The following NRK variants were observed in gnomAD, a reference collection of about 807,000 sequenced individuals.
NRK encodes the protein Nik related kinase.
A neutral mutation model predicts 125.2 loss-of-function variants in NRK; 67 were observed. The observed-to-expected ratio is 0.54, with a 90% CI of 0.44 to 0.66. The LOEUF is 0.66. Among genes scored for constraint, NRK ranks in the 30% least tolerant of loss-of-function variants. The pLI is 0.00. For missense variants in NRK, 1,224 were observed against 1,192.9 expected, an observed-to-expected ratio of 1.03 and a Z score of -0.38; for synonymous variants, 458 against 429.0, an observed-to-expected ratio of 1.07 and a Z score of -0.84.
At chrX:105,856,436 C>A (rs1490224762) in intron 2 of NRK, among the ~76,000 whole-genome samples, 5 of 112,060 alleles carry the variant, frequency 4.5e-5, no homozygotes, top group Non-Finnish European at 9.4e-5. Context: ...AATGTTATAG[C>A]ATCATATTGT....
chrX:105,893,642 C>A (rs1331424093), intron 5 of NRK, among the ~76,000 whole-genome samples, 190 bp from the exon 6 acceptor site: 1 of 112,091 alleles, frequency 8.9e-6, no homozygotes, highest in African/African-American at 3.2e-5. Context: ...CTCCACAAAT[C>A]TTTGGTTTTA....
chrX:105,831,372 AAATTG>A (rs2039189818), intron 2 of NRK, among the ~76,000 whole-genome samples: 1 of 112,351 alleles, frequency 8.9e-6, no homozygotes, highest in African/African-American at 3.2e-5. Context: ...CACCAATGGA[AAATTG>A]AAGTAATTCA....
intron 27 of NRK, among the ~76,000 whole-genome samples, chrX:105,951,083 A>G (rs2040891621): frequency 9.1e-6 from 1 of 110,312 alleles, no homozygotes. Context: ...CAAACAAGTA[A>G]GAACTCACAG....
At position 105,880,264 on chromosome X, in the gene NRK, A is replaced by T; in HGVS notation, c.180+9A>T. ...TGATGAACGCTCGTAAGGTAATATTATAAATTGCCTGTATTCTCTTCCCTT... is the reference window on the plus strand; with the variant it reads ...TGATGAACGCTCGTAAGGTAATATTTTAAATTGCCTGTATTCTCTTCCCTT... On this transcript the variant is annotated intron_variant, in intron 3 of 28. Coordinates refer to ENST00000243300, the MANE Select transcript of NRK (RefSeq NM_198465.4). 1.1e-6 allele frequency: 1 copy of T among 950,420 alleles called. No individual in the cohort carries two copies. The highest frequency in any genetic ancestry group is 1.4e-6 in the Non-Finnish European group (1 of 701,513). 78.3% of individuals were successfully genotyped at this position (950,420 alleles called of 1,213,427 possible). A position where few individuals can be genotyped will look rare whatever the true frequency, so the allele number is the denominator to read the frequency against.
chrX:105,909,094 G>A lies in NRK; in HGVS notation c.1453G>A (p.Val485Ile). 1 of 1,211,489 alleles carries A rather than the reference G, an allele frequency of 8.3e-7. No individual in the cohort carries two copies. The highest frequency in any genetic ancestry group is 1.1e-6 in the Non-Finnish European group (1 of 895,132). Residue 485 changes from valine (V) to isoleucine (I), a missense_variant, in exon 13 of 29, where the codon GTT (valine) becomes ATT (isoleucine). Coordinates refer to ENST00000243300, the MANE Select transcript of NRK (RefSeq NM_198465.4). Reference sequence around the variant, plus strand: ...GGTGCTCATGCCACTACAGGCACAGGTTAGGGCACCTAGGCTTCTGCAGGT... The same window carrying A: ...GGTGCTCATGCCACTACAGGCACAGATTAGGGCACCTAGGCTTCTGCAGGT... ...ARVLMPLQAQ[V>I]RAPRLLQVQS... is the part of the protein sequence containing the mutation.
At chrX:105,838,852 T>A (rs1213246524) in intron 2 of NRK, among the ~76,000 whole-genome samples, 1 of 110,851 alleles carries the variant, frequency 9.0e-6, no homozygotes, top group Non-Finnish European at 1.9e-5. Flanking sequence ...AGCAAATTCC[T>A]GAATTGTTTG....
chrX:105,925,459 C>CACAA (rs1220275000), intron 19 of NRK, among the ~76,000 whole-genome samples: 2 of 110,937 alleles, frequency 1.8e-5, no homozygotes, highest in Non-Finnish European at 3.8e-5. Flanking sequence ...TGGGAACAAT[C>CACAA]AATATCCTCT....
intron 19 of NRK, among the ~76,000 whole-genome samples, chrX:105,932,373 A>T (rs1490106555): frequency 8.9e-6 from 1 of 111,870 alleles, no homozygotes; most frequent in African/African-American, 3.3e-5. Flanking sequence ...ATATCATGTA[A>T]TCAGGCTATG....
chrX:105,954,618 C>T (rs1472527155), intron 28 of NRK, among the ~76,000 whole-genome samples: 1 of 110,519 alleles, frequency 9.0e-6, no homozygotes, highest in Non-Finnish European at 1.9e-5. Flanking sequence ...TTAGAGACTC[C>T]CTGCTTCCCT....
intron 2 of NRK, among the ~76,000 whole-genome samples, chrX:105,852,290 T>G (rs753924159): frequency 2.7e-5 from 3 of 111,806 alleles, no homozygotes; most frequent in Non-Finnish European, 5.6e-5. Context: ...AATAGTCATG[T>G]AGATTTGGCT....
At chrX:105,823,037 C>G (rs1433548025) in intron 1 of NRK, 135 bp downstream of exon 1, 1 of 608,442 alleles carries the variant, frequency 1.6e-6, no homozygotes, top group Non-Finnish European at 2.5e-6. Flanking sequence ...GAAGGGGATC[C>G]TGGGAGCCGG....
At chrX:105,847,927 A>T (rs1395873624) in intron 2 of NRK, among the ~76,000 whole-genome samples, 2 of 112,066 alleles carry the variant, frequency 1.8e-5, no homozygotes, top group Non-Finnish European at 3.8e-5. Flanking sequence ...ACTAATGGGG[A>T]CAATAAAACA....
intron 2 of NRK, among the ~76,000 whole-genome samples, chrX:105,833,228 T>TA (rs1004007629): frequency 1.8e-5 from 2 of 110,837 alleles, no homozygotes; most frequent in African/African-American, 6.6e-5. Context: ...CAATAAGCTA[T>TA]AGAGGGTGAT....
upstream of NRK, chrX:105,822,421 C>T: frequency 5.9e-6 from 1 of 168,147 alleles, no homozygotes; most frequent in Admixed American, 7.4e-5. Flanking sequence ...GCCTCCCCGC[C>T]GGGCGGCTGC....
intron 20 of NRK, 104 bp from the exon 21 acceptor site, chrX:105,935,066 A>G (rs1291832055): frequency 2.0e-5 from 12 of 609,984 alleles, no homozygotes; most frequent in Non-Finnish European, 3.1e-5. Context: ...AAATTTTTCT[A>G]TAACTCCATC....
intron 1 of NRK, among the ~76,000 whole-genome samples, chrX:105,826,202 C>CAT (rs1280857395): frequency 1.2e-5 from 1 of 81,462 alleles, no homozygotes; most frequent in African/African-American, 4.7e-5. Flanking sequence ...AATATATTAT[C>CAT]ATATATATAA....
intron 1 of NRK, among the ~76,000 whole-genome samples, chrX:105,823,421 A>AT (rs2039050203): frequency 9.0e-6 from 1 of 111,342 alleles, no homozygotes; most frequent in Non-Finnish European, 1.9e-5. Context: ...CACTTTTCTT[A>AT]TTTTCTAATA....
rs1034830068 is a variant in NRK, at chrX:105,946,535, T to G, written c.4353+71T>G. ...TTTGAGTTTTTCCAACTGTCAAAAC[T>G]CTGAAAGGTTTAAAAATATGATTAG... On this transcript the variant is annotated intron_variant, in intron 26 of 28. Transcript: ENST00000243300. 4 of 772,219 alleles carry G rather than the reference T, an allele frequency of 5.2e-6. No individual in the cohort carries two copies. The African/African-American group carries it at 8.4e-5, about 16-fold the overall frequency. 63.6% of individuals were successfully genotyped at this position (772,219 alleles called of 1,213,427 possible).
At chrX:105,910,452 C>T (rs1341225476) in intron 13 of NRK, among the ~76,000 whole-genome samples, 2 of 112,045 alleles carry the variant, frequency 1.8e-5, no homozygotes, top group Admixed American at 9.5e-5. Flanking sequence ...ATTTGCTGCC[C>T]GTTTTACATA....
Sources: gnomAD v4.1 joint callset for allele counts (sites outside exome capture counted in the v4.1 genomes callset) on GRCh38, gnomAD v4.1.1 for gene constraint, MANE v1.5 for transcripts, NCBI Gene and HGNC (gene_info 2026-07-23, HGNC 2026-07-21) for gene names.